Variants in PCDHA4 observed in about 807,000 individuals in gnomAD.
PCDHA4 encodes protocadherin alpha-4.
PCDHA4 carries 49 observed loss-of-function variants against 61.4 expected under a neutral mutation model. The observed-to-expected ratio is 0.80, with a 90% confidence interval of 0.63 to 1.01. The LOEUF (loss-of-function observed/expected upper bound fraction) is 1.01, where lower values mean the gene tolerates loss of function less well. Among genes scored for constraint, PCDHA4 ranks in the 50% least tolerant of loss-of-function variants. The pLI is 0.00. For missense variants in PCDHA4, 1,254 were observed against 1,235.8 expected, an observed-to-expected ratio of 1.01 and a Z score of -0.22; for synonymous variants, 590 against 550.3, an observed-to-expected ratio of 1.07 and a Z score of -1.01.
chr5:140,828,101 AC>A, intron 1 of PCDHA4: 1 of 1,607,798 alleles, frequency 6.2e-7, no homozygotes, highest in East Asian at 2.2e-5. Context: ...CATGGTGTTT[AC>A]CCCGGAGGAT....
chr5:141,010,325 G>T lies in PCDHA4; in HGVS notation c.*388G>T. On this transcript the variant is annotated 3_prime_UTR_variant, in exon 4 of 4. Coordinates refer to ENST00000530339, the MANE Select transcript of PCDHA4 (RefSeq NM_018907.4). Reference sequence around the variant, plus strand: ...GAAAAGTTTTGAGATTGAGCAGCTTGGGAGTTTGTGGCCACTGGGTATGTG... The same window carrying T: ...GAAAAGTTTTGAGATTGAGCAGCTTTGGAGTTTGTGGCCACTGGGTATGTG... 1 of 1,539,506 alleles carries T rather than the reference G, an allele frequency of 6.5e-7. No individual in the cohort carries two copies. The highest frequency in any genetic ancestry group is 8.7e-7 in the Non-Finnish European group (1 of 1,142,888).
intron 1 of PCDHA4, among the ~76,000 whole-genome samples, chr5:140,910,646 G>T (rs1490115049): frequency 6.6e-6 from 1 of 152,158 alleles, no homozygotes; most frequent in Non-Finnish European, 1.5e-5. Flanking sequence ...TAAACCTTTT[G>T]ATCCCTTCCT....
chr5:140,924,293 C>T (rs2081770008), intron 1 of PCDHA4, among the ~76,000 whole-genome samples: 1 of 152,192 alleles, frequency 6.6e-6, no homozygotes, highest in African/African-American at 2.4e-5. Context: ...AATAGGCTGA[C>T]ATGTTTCCTC....
At chr5:140,843,130 C>T (rs2150353538) in intron 1 of PCDHA4, 5 of 1,596,012 alleles carry the variant, frequency 3.1e-6, no homozygotes, top group Non-Finnish European at 4.3e-6. Flanking sequence ...ACTCGGGCTA[C>T]AACGCGTGGC....
Position 140,807,687 on chromosome 5 carries a change from T to G in PCDHA4, c.500T>G (p.Leu167Arg), listed in dbSNP as rs782423945. The G allele has an allele frequency of 5.6e-6, 9 of 1,614,228 alleles. No individual in the cohort carries two copies. The highest frequency in any genetic ancestry group is 1.7e-5 in the Admixed American group (1 of 60,028). The change falls in exon 1 of 4, where the codon CTG (leucine) becomes CGG (arginine). Residue 167 changes from leucine to arginine, a missense_variant. Physicochemically the swap from Leu to Arg is moderately radical, Grantham distance 102. Transcript: ENST00000530339. ...GATGCAGATATCGGGGAGAACGCCC[T>G]GCTCACTTACAGACTGAGCCCAAAT... ...ASDADIGENA[L>R]LTYRLSPNEY...
rs1453798087 is a variant in PCDHA4 at position 140,849,691 on chromosome 5, C to T, written c.2385+40119C>T. Reference sequence around the variant, plus strand: ...CCCCACGTCCCCTTCAAGCTGGTGTCCACCTACAAGAATTACTACTCGTTG... The same window carrying T: ...CCCCACGTCCCCTTCAAGCTGGTGTTCACCTACAAGAATTACTACTCGTTG... On this transcript the variant is annotated intron_variant, in intron 1 of 3. Transcript: ENST00000530339. 1.3e-6 allele frequency: 2 copies of T among 1,598,536 alleles called. No individual in the cohort carries two copies. The highest frequency in any genetic ancestry group is 2.2e-5 in the South Asian group (2 of 90,552).
chr5:140,908,848 C>T (rs949816953), intron 1 of PCDHA4, among the ~76,000 whole-genome samples: 4 of 152,126 alleles, frequency 2.6e-5, no homozygotes, highest in East Asian at 3.9e-4. Context: ...GAGTAACATA[C>T]CCAAATGAGG....
intron 1 of PCDHA4, among the ~76,000 whole-genome samples, chr5:140,878,566 A>G (rs2057645190): frequency 6.6e-6 from 1 of 152,262 alleles, no homozygotes. Context: ...AACTTATCAT[A>G]GTATACCACT....
At chr5:140,947,095 A>T (rs2094086285) in intron 1 of PCDHA4, among the ~76,000 whole-genome samples, 1 of 151,642 alleles carries the variant, frequency 6.6e-6, no homozygotes, top group Non-Finnish European at 1.5e-5. Flanking sequence ...ACTGTAGCCC[A>T]TAAATAGGTA....
intron 3 of PCDHA4, among the ~76,000 whole-genome samples, chr5:141,005,628 G>C: frequency 6.7e-6 from 1 of 148,974 alleles, no homozygotes; most frequent in Non-Finnish European, 1.5e-5. Context: ...CGTGAACCCG[G>C]GAGGCGGAGC....
chr5:140,968,768 C>T, intron 1 of PCDHA4: 1 of 1,614,174 alleles, frequency 6.2e-7, no homozygotes, highest in South Asian at 1.1e-5. Flanking sequence ...TAATGGAGAG[C>T]CATCACTATC....
intron 1 of PCDHA4, among the ~76,000 whole-genome samples, chr5:140,846,179 C>G (rs1250648449): frequency 1.3e-5 from 2 of 149,200 alleles, no homozygotes; most frequent in African/African-American, 4.9e-5. Context: ...CCTGAGTAGG[C>G]GTTTGAGTTC....
At chr5:140,821,886 A>T in intron 1 of PCDHA4, 1 of 1,614,246 alleles carries the variant, frequency 6.2e-7, no homozygotes, top group Non-Finnish European at 8.5e-7. Flanking sequence ...TCCCGGAGGA[A>T]GCCAAACACG....
chr5:140,889,265 A>G (rs900785254), intron 1 of PCDHA4, among the ~76,000 whole-genome samples: 7 of 151,968 alleles, frequency 4.6e-5, no homozygotes, highest in African/African-American at 2.4e-5. Context: ...AAAAGTTTGT[A>G]TAATCTTTGA....
At chr5:140,883,395 A>G (rs892476136) in intron 1 of PCDHA4, 2 of 1,614,048 alleles carry the variant, frequency 1.2e-6, no homozygotes, top group African/African-American at 1.3e-5. Context: ...AGTGTGTCCG[A>G]TCGTGACTCT....
intron 1 of PCDHA4, chr5:140,849,310 G>A (rs2150434559): frequency 3.1e-6 from 4 of 1,307,514 alleles, no homozygotes; most frequent in African/African-American, 1.7e-5. Flanking sequence ...TTAGACGAAG[G>A]CTTGAATGGG....
chr5:140,927,192 G>T, intron 1 of PCDHA4: 4 of 1,614,154 alleles, frequency 2.5e-6, no homozygotes, highest in Non-Finnish European at 3.4e-6. Flanking sequence ...ACGACCTGGT[G>T]CTCGAGGACC....
intron 3 of PCDHA4, among the ~76,000 whole-genome samples, chr5:140,982,882 C>CAGAGA (rs1353974224): frequency 6.6e-6 from 1 of 151,972 alleles, no homozygotes; most frequent in African/African-American, 2.4e-5. Context: ...CCAAGCCATG[C>CAGAGA]AGAGAAGATC....
At chr5:140,862,994 G>T (rs199654880) in intron 1 of PCDHA4, 1 of 549,002 alleles carries the variant, frequency 1.8e-6, no homozygotes. Flanking sequence ...GGTGCGCACG[G>T]TGGACTCCAG....
Sources: allele counts gnomAD v4.1 joint callset (sites outside exome capture counted in the v4.1 genomes callset), GRCh38; gene constraint gnomAD v4.1.1; transcripts MANE v1.5; gene names NCBI Gene and HGNC (gene_info 2026-07-23, HGNC 2026-07-21).